Variants in TMEM161B observed in about 807,000 individuals in gnomAD.
The protein encoded by TMEM161B is transmembrane protein 161B.
In TMEM161B, 34 loss-of-function variants were observed where a neutral mutation model predicts 61.8. That is an observed-to-expected ratio of 0.55 (90% CI 0.42 to 0.73). The LOEUF is 0.73. Ranked by LOEUF, TMEM161B falls within the 30% of genes least tolerant of loss-of-function variation. The pLI, the probability that TMEM161B is intolerant of heterozygous loss-of-function variation, is 0.00. For synonymous variants in TMEM161B, 167 were observed against 192.8 expected, an observed-to-expected ratio of 0.87 and a Z score of 1.11; for missense variants, 456 against 558.5, an observed-to-expected ratio of 0.82 and a Z score of 1.85.
intron 1 of TMEM161B, among the ~76,000 whole-genome samples, chr5:88,256,362 A>C (rs1400003723): frequency 2.6e-5 from 4 of 152,246 alleles, no homozygotes; most frequent in Admixed American, 2.0e-4. Flanking sequence ...GTAACAAATA[A>C]AAGGTTCAAT....
intron 1 of TMEM161B, among the ~76,000 whole-genome samples, chr5:88,265,301 G>C (rs2112796981): frequency 6.6e-6 from 1 of 152,228 alleles, no homozygotes; most frequent in Admixed American, 6.5e-5. Flanking sequence ...CCAGGGACTG[G>C]TTTCATGGAA....
At chr5:88,201,596 T>C (rs1225795199) in intron 9 of TMEM161B, 2 of 152,014 alleles carry the variant, frequency 1.3e-5, no homozygotes, top group Non-Finnish European at 2.9e-5. Flanking sequence ...AAGGCAAATA[T>C]AAAAATCAGG....
chr5:88,242,843 A>G (rs1015840539), intron 1 of TMEM161B, among the ~76,000 whole-genome samples: 1 of 151,432 alleles, frequency 6.6e-6, no homozygotes, highest in African/African-American at 2.4e-5. Flanking sequence ...AAGAAGATCA[A>G]AACAAGTTGA....
At chr5:88,208,937 A>G (rs1365536138) in intron 5 of TMEM161B, among the ~76,000 whole-genome samples, 1 of 152,234 alleles carries the variant, frequency 6.6e-6, no homozygotes, top group Non-Finnish European at 1.5e-5. Context: ...GAATCCTTTC[A>G]TATATATCTC....
At chr5:88,251,538 T>C (rs1754341489) in intron 1 of TMEM161B, among the ~76,000 whole-genome samples, 1 of 152,102 alleles carries the variant, frequency 6.6e-6, no homozygotes, top group South Asian at 2.1e-4. Flanking sequence ...AACTATAAAA[T>C]AAATGCCTCC....
At chr5:88,248,714 GAA>G (rs11286517) in intron 1 of TMEM161B, among the ~76,000 whole-genome samples, 244 of 117,576 alleles carry the variant, frequency 2.1e-3, no homozygotes, top group South Asian at 0.011. Context: ...AGTCGACTGA[GAA>G]AAAAAAAAAA....
intron 5 of TMEM161B, among the ~76,000 whole-genome samples, chr5:88,213,443 C>T (rs33710): frequency 0.29 from 43,940 of 151,918 alleles, 7,421 homozygotes; most frequent in African/African-American, 0.44. Context: ...ACTATCGTGC[C>T]TGTTTAAAAC....
intron 5 of TMEM161B, among the ~76,000 whole-genome samples, chr5:88,209,837 T>C (rs139090994): frequency 4.4e-4 from 58 of 130,570 alleles, no homozygotes; most frequent in African/African-American, 1.6e-3. Context: ...CACTACACTG[T>C]CTTGGATCAT....
intron 2 of TMEM161B, 127 bp from the exon 3 acceptor site, chr5:88,228,655 A>T (rs1750469708): frequency 2.9e-6 from 2 of 685,914 alleles, no homozygotes; most frequent in African/African-American, 3.7e-5. Flanking sequence ...TGAAAACTGT[A>T]ATCTGAAACA....
At chr5:88,258,111 C>G (rs1489708785) in intron 1 of TMEM161B, among the ~76,000 whole-genome samples, 1 of 152,106 alleles carries the variant, frequency 6.6e-6, no homozygotes, top group African/African-American at 2.4e-5. Flanking sequence ...TAGTTGAAAT[C>G]AAATTAGAAA....
rs149450090 is a variant in TMEM161B at position 88,215,199 on chromosome 5, A to T, written c.446+5364T>A. Among the ~76,000 whole-genome samples, 511 of 152,346 alleles carry T rather than the reference A, an allele frequency of 3.4e-3. 1 individual carries two copies. Among genetic ancestry groups the T allele is most frequent in the African/African-American group, 0.012 (496 of 41,594 alleles). On this transcript the variant is annotated intron_variant, in intron 5 of 11. Transcript: ENST00000296595. Reference sequence around the variant, plus strand: ...AGAGAATTTCTGAATTAACTGAGGTATGTATGACTATGGAATCAAGCAAAG... The same window carrying T: ...AGAGAATTTCTGAATTAACTGAGGTTTGTATGACTATGGAATCAAGCAAAG...
chr5:88,245,154 C>A (rs879701241), intron 1 of TMEM161B, among the ~76,000 whole-genome samples: 2 of 151,822 alleles, frequency 1.3e-5, no homozygotes, highest in African/African-American at 4.8e-5. Flanking sequence ...CCAAACCTGA[C>A]TCAACTATGG....
intron 4 of TMEM161B, 35 bp from the exon 5 acceptor site, chr5:88,220,754 TC>T: frequency 8.8e-7 from 1 of 1,140,570 alleles, no homozygotes; most frequent in Non-Finnish European, 1.2e-6. Context: ...AAAAAAAAGG[TC>T]AAAAAAAACA....
At chr5:88,262,966 A>C (rs1022403757) in intron 1 of TMEM161B, among the ~76,000 whole-genome samples, 3 of 152,176 alleles carry the variant, frequency 2.0e-5, no homozygotes, top group Admixed American at 6.5e-5. Context: ...AATTTCATAT[A>C]ATCGATTACT....
At position 88,198,988 on chromosome 5, in the gene TMEM161B, C is replaced by T. The variant is rs1195252760; in HGVS notation, c.1077G>A (p.Glu359=). 3.1e-6 allele frequency: 5 copies of T among 1,611,036 alleles called. No individual in the cohort carries two copies. Among genetic ancestry groups the T allele is most frequent in the Non-Finnish European group, 4.2e-6 (5 of 1,178,712 alleles). ...GTATAAAACTTACCATTTTCTGTAG[C>T]TCAACCGTGCTTATTCGCCCCGCTT... is the stretch of plus-strand genomic sequence containing the variant. ...KKEAGRISTV[E]LQKMVARVFY... Residue 359 remains glutamate, a synonymous_variant, in exon 10 of 12, where the codon GAG becomes GAA. Coordinates refer to ENST00000296595, the MANE Select transcript of TMEM161B (RefSeq NM_153354.5).
intron 5 of TMEM161B, among the ~76,000 whole-genome samples, chr5:88,211,719 C>T (rs972685007): frequency 1.7e-4 from 26 of 150,332 alleles, no homozygotes; most frequent in African/African-American, 6.1e-4. Context: ...TGCAGTGAGC[C>T]GAGATCGCAC....
intron 9 of TMEM161B, 109 bp from the exon 10 acceptor site, chr5:88,199,259 C>T: frequency 9.7e-7 from 1 of 1,026,708 alleles, no homozygotes; most frequent in South Asian, 1.9e-5. Context: ...TACTTCGCAA[C>T]AGTTAGACAC....
chr5:88,186,820 T>C (rs1040556463), downstream of TMEM161B, among the ~76,000 whole-genome samples: 3 of 151,938 alleles, frequency 2.0e-5, no homozygotes, highest in African/African-American at 7.3e-5. Context: ...GGAGAATTGC[T>C]TGAACCCAGG....
At chr5:88,227,721 GTCAA>G (rs1007351062) in intron 3 of TMEM161B, among the ~76,000 whole-genome samples, 5 of 152,244 alleles carry the variant, frequency 3.3e-5, no homozygotes, top group African/African-American at 4.8e-5. Context: ...ATAATTTGTT[GTCAA>G]TCAATCATTT....
Sources: allele counts gnomAD v4.1 joint callset (sites outside exome capture counted in the v4.1 genomes callset), GRCh38; gene constraint gnomAD v4.1.1; transcripts MANE v1.5; gene names NCBI Gene and HGNC (gene_info 2026-07-23, HGNC 2026-07-21).